Variants in VAC14 observed in about 807,000 individuals in gnomAD.
VAC14 encodes protein VAC14 homolog.
VAC14 carries 47 observed loss-of-function variants against 85.3 expected under a neutral mutation model. The observed-to-expected ratio is 0.55, with a 90% CI of 0.44 to 0.70. VAC14 has a LOEUF of 0.70. Ranked by LOEUF, VAC14 falls within the 30% of genes least tolerant of loss-of-function variation. The probability of loss-of-function intolerance (pLI) is 0.00; values close to 1 mark genes in which losing one functional copy is unlikely to be tolerated. For missense variants in VAC14, 861 were observed against 1,004.3 expected (o/e 0.86, Z 1.93); for synonymous variants, 447 against 430.5 (o/e 1.04, Z -0.47).
intron 10 of VAC14, chr16:70,766,450 C>G (rs1198425839): frequency 1.1e-5 from 5 of 456,398 alleles, no homozygotes; most frequent in Admixed American, 7.1e-5. Context: ...CAGCAAACAC[C>G]TGAACACAGC....
chr16:70,787,183 G>T (rs1282341809), intron 1 of VAC14, among the ~76,000 whole-genome samples: 3 of 152,218 alleles, frequency 2.0e-5, no homozygotes, highest in Non-Finnish European at 4.4e-5. Flanking sequence ...AAGCTGGGCT[G>T]GGGCAGGCAT....
At chr16:70,702,163 T>G (rs76961780) in intron 14 of VAC14, among the ~76,000 whole-genome samples, 1 of 152,232 alleles carries the variant, frequency 6.6e-6, no homozygotes, top group Non-Finnish European at 1.5e-5. Flanking sequence ...GCAGGCCTTT[T>G]TGTGCTGTGC....
At chr16:70,730,229 G>T (rs996534719) in intron 14 of VAC14, among the ~76,000 whole-genome samples, 1 of 151,776 alleles carries the variant, frequency 6.6e-6, no homozygotes, top group African/African-American at 2.4e-5. Flanking sequence ...CTCCCAGCTG[G>T]CTCCACCTCA....
chr16:70,786,753 A>G (rs1468928293), intron 1 of VAC14, among the ~76,000 whole-genome samples: 1 of 152,162 alleles, frequency 6.6e-6, no homozygotes, highest in Non-Finnish European at 1.5e-5. Flanking sequence ...ATTTCCAGGG[A>G]CGTTGCTGGG....
intron 15 of VAC14, 32 bp from the exon 16 acceptor site, chr16:70,697,289 A>G: frequency 6.3e-7 from 1 of 1,583,564 alleles, no homozygotes; most frequent in South Asian, 1.1e-5. Context: ...CCGTGAGGAC[A>G]CGCCTGCTCC....
Position 70,756,352 on chromosome 16 carries a change from A to C in VAC14, c.1371+6188T>G, listed in dbSNP as rs868463404. On this transcript the variant is annotated intron_variant, in intron 12 of 18. Coordinates refer to ENST00000261776, the MANE Select transcript of VAC14 (RefSeq NM_018052.5). ...CTTTCTGGCAACTCGGCCTGGCCCC[A>C]GTGAGTGCTCTCCTTTCAGATCTCT... is the stretch of plus-strand genomic sequence containing the variant. Among the ~76,000 whole-genome samples, 7 of 152,314 alleles carry C rather than the reference A, an allele frequency of 4.6e-5. No individual in the cohort carries two copies. The East Asian group carries it at 7.7e-4, about 17-fold the overall frequency.
chr16:70,701,552 G>A (rs1479257474), intron 14 of VAC14, among the ~76,000 whole-genome samples: 2 of 152,058 alleles, frequency 1.3e-5, no homozygotes, highest in African/African-American at 2.4e-5. Context: ...CCCATGCCTA[G>A]GGGGCTGTCA....
At chr16:70,738,822 G>A (rs963371004) in intron 13 of VAC14, among the ~76,000 whole-genome samples, 9 of 152,206 alleles carry the variant, frequency 5.9e-5, no homozygotes, top group Admixed American at 2.0e-4. Context: ...CTGCCATGAC[G>A]CTATTCAAAC....
intron 12 of VAC14, among the ~76,000 whole-genome samples, chr16:70,751,671 GCA>G (rs1170872675): frequency 3.3e-5 from 5 of 152,172 alleles, no homozygotes; most frequent in African/African-American, 1.2e-4. Flanking sequence ...TAGCCAGAGA[GCA>G]CACCCTAGGA....
intron 18 of VAC14, 59 bp from the exon 19 acceptor site, chr16:70,688,149 C>T: frequency 7.0e-7 from 1 of 1,426,172 alleles, no homozygotes. Flanking sequence ...GGGGTTACTG[C>T]TGGAGGGCAG....
intron 12 of VAC14, among the ~76,000 whole-genome samples, chr16:70,751,276 C>A (rs2031364122): frequency 6.6e-6 from 1 of 152,228 alleles, no homozygotes; most frequent in South Asian, 2.1e-4. Flanking sequence ...CAGGCCTGGC[C>A]AGGAAGAAGC....
At chr16:70,728,814 TC>T in intron 14 of VAC14, among the ~76,000 whole-genome samples, 1 of 152,340 alleles carries the variant, frequency 6.6e-6, no homozygotes, top group Admixed American at 6.5e-5. Flanking sequence ...CTGAAAGTCG[TC>T]CAGGCAAGGA....
Position 70,784,105 on chromosome 16 carries a change from G to A in VAC14, c.594+8C>T, listed in dbSNP as rs951579862. 3 of 1,612,508 alleles carry A rather than the reference G, an allele frequency of 1.9e-6. No homozygotes were observed. The highest frequency in any genetic ancestry group is 2.5e-6 in the Non-Finnish European group (3 of 1,178,592). ...AGGCTGGAGAAACGGTGTCCGGCCA[G>A]GCCTTACCCAGGAGATGATGAACTG... is the stretch of plus-strand genomic sequence containing the variant. On this transcript the variant is annotated splice_region_variant and intron_variant, in intron 5 of 18. Transcript: ENST00000261776.
At chr16:70,784,330 A>C in intron 4 of VAC14, 110 bp from the exon 5 acceptor site, 1 of 806,706 alleles carries the variant, frequency 1.2e-6, no homozygotes, top group Non-Finnish European at 2.1e-6. Context: ...CACCAAGGAA[A>C]ATGGCAGATC....
intron 14 of VAC14, among the ~76,000 whole-genome samples, chr16:70,700,885 C>A (rs2053812433): frequency 6.6e-6 from 1 of 152,208 alleles, no homozygotes; most frequent in African/African-American, 2.4e-5. Flanking sequence ...CCAGGCAGCG[C>A]TCTCCAGGGA....
chr16:70,783,938 AC>A (rs1208911811), intron 5 of VAC14, among the ~76,000 whole-genome samples, 174 bp downstream of exon 5: 1 of 152,224 alleles, frequency 6.6e-6, no homozygotes, highest in African/African-American at 2.4e-5. Flanking sequence ...TTCAGGGCCA[AC>A]ATGGTGGGTT....
intron 14 of VAC14, among the ~76,000 whole-genome samples, chr16:70,727,296 G>C (rs1199497293): frequency 6.6e-6 from 1 of 152,182 alleles, no homozygotes; most frequent in Non-Finnish European, 1.5e-5. Flanking sequence ...CTTCATGCCA[G>C]CATCTGCGGA....
At chr16:70,759,321 G>GA (rs1302779394) in intron 12 of VAC14, among the ~76,000 whole-genome samples, 6 of 152,192 alleles carry the variant, frequency 3.9e-5, no homozygotes, top group African/African-American at 1.4e-4. Flanking sequence ...GCTGAAGGGG[G>GA]AGCTTTTTCA....
rs778129469 is a variant in VAC14 at position 70,783,548 on chromosome 16, C to G, written c.601G>C (p.Val201Leu). The G allele has an allele frequency of 9.3e-6, 15 of 1,613,546 alleles. No individual in the cohort carries two copies. The part of the protein sequence containing the change: ...ARQFIISWIL[V>L]LESVPDINLL... ...TTAATGTCTGGCACCGACTCCAGAACCAGGATCTGACCAGGGGAAGGGAAC... is the reference window on the plus strand; with the variant it reads ...TTAATGTCTGGCACCGACTCCAGAAGCAGGATCTGACCAGGGGAAGGGAAC... Residue 201 changes from valine (V) to leucine (L), a missense_variant, in exon 6 of 19, where the codon GTT becomes CTT. Transcript: ENST00000261776.
Sources: allele counts gnomAD v4.1 joint callset (sites outside exome capture counted in the v4.1 genomes callset), GRCh38; gene constraint gnomAD v4.1.1; transcripts MANE v1.5; gene names NCBI Gene and HGNC (gene_info 2026-07-23, HGNC 2026-07-21).